SUMF1: variants seen among roughly 807,000 people sequenced by gnomAD.
The protein encoded by SUMF1 is sulfatase modifying factor 1.
In SUMF1, 48 loss-of-function variants were observed where a neutral mutation model predicts 47.6. The ratio of observed to expected loss-of-function variants is 1.01; its 90% CI spans 0.80 to 1.28. The LOEUF (loss-of-function observed/expected upper bound fraction) is 1.28. SUMF1 is among the 50% of genes most tolerant of loss of function. SUMF1 has a pLI of 0.00. For synonymous variants in SUMF1, 230 were observed against 192.1 expected, an observed-to-expected ratio of 1.20 and a Z score of -1.63; for missense variants, 571 against 485.4, an observed-to-expected ratio of 1.18 and a Z score of -1.66.
At chr3:4,107,354 G>A (rs1693181570) in intron 8 of SUMF1, among the ~76,000 whole-genome samples, 1 of 152,062 alleles carries the variant, frequency 6.6e-6, no homozygotes, top group Non-Finnish European at 1.5e-5. Context: ...GCAGTAGTGT[G>A]CTGTTTTATT....
intron 3 of SUMF1, among the ~76,000 whole-genome samples, chr3:4,437,930 C>T (rs1271251102): frequency 6.6e-6 from 1 of 151,746 alleles, no homozygotes; most frequent in African/African-American, 2.4e-5. Context: ...CAGGGCAAGA[C>T]TGTCTCAAAA....
At chr3:4,355,917 C>A (rs558745541) in intron 8 of SUMF1, among the ~76,000 whole-genome samples, 5 of 152,182 alleles carry the variant, frequency 3.3e-5, no homozygotes, top group African/African-American at 1.2e-4. Flanking sequence ...TGAAAAATTC[C>A]GCCCCCTTGG....
intron 8 of SUMF1, among the ~76,000 whole-genome samples, chr3:4,326,521 G>GATTTTT (rs1553556914): frequency 1.8e-4 from 16 of 90,542 alleles, no homozygotes; most frequent in African/African-American, 1.3e-3. Context: ...TTTTTCCAAG[G>GATTTTT]GTTTTTTTTT....
At chr3:4,075,930 T>C (rs1692422680) in intron 8 of SUMF1, among the ~76,000 whole-genome samples, 1 of 152,148 alleles carries the variant, frequency 6.6e-6, no homozygotes, top group African/African-American at 2.4e-5. Context: ...AATTTATAGA[T>C]TCAATGCTAT....
intron 8 of SUMF1, among the ~76,000 whole-genome samples, chr3:4,116,896 T>C (rs17039945): frequency 0.062 from 9,382 of 152,128 alleles, 739 homozygotes; most frequent in East Asian, 0.15. Flanking sequence ...GTCAGGGATG[T>C]GGGATTGCAA....
chr3:4,312,781 T>G, intron 8 of SUMF1: 1 of 1,210,714 alleles, frequency 8.3e-7, no homozygotes, highest in Non-Finnish European at 1.1e-6. Flanking sequence ...GTTTTGACAG[T>G]TTTGTCCTGT....
intron 8 of SUMF1, among the ~76,000 whole-genome samples, chr3:4,137,874 T>A (rs937994246): frequency 6.6e-6 from 1 of 151,594 alleles, no homozygotes; most frequent in Non-Finnish European, 1.5e-5. Context: ...CCATCTCTAT[T>A]TGCAGATGAG....
intron 8 of SUMF1, among the ~76,000 whole-genome samples, chr3:4,268,312 T>C (rs1306118958): frequency 6.6e-6 from 1 of 151,864 alleles, no homozygotes; most frequent in African/African-American, 2.4e-5. Context: ...AGGGATAGCA[T>C]TGGGAGATAT....
At chr3:4,427,424 A>G (rs942543002) in intron 3 of SUMF1, among the ~76,000 whole-genome samples, 58 of 152,336 alleles carry the variant, frequency 3.8e-4, no homozygotes, top group African/African-American at 1.3e-3. Flanking sequence ...AAGGAATTAA[A>G]TGGAGTAAAG....
rs115775051 is a variant in SUMF1, at chr3:4,438,281, C to T, written c.519+10985G>A. 4.8e-3 allele frequency among the ~76,000 whole-genome samples: 734 copies of T among 151,778 alleles called. 5 individuals are homozygous for T. The highest frequency in any genetic ancestry group is 0.017 in the African/African-American group (685 of 41,376). ...TACATAGATTAAAAAGAAAGATGCACCTCATTAATGACAAAGATTCTCTCC... is the reference window on the plus strand; with the variant it reads ...TACATAGATTAAAAAGAAAGATGCATCTCATTAATGACAAAGATTCTCTCC... On this transcript the variant is annotated intron_variant, in intron 3 of 8. Coordinates refer to ENST00000272902, the MANE Select transcript of SUMF1 (RefSeq NM_182760.4).
At chr3:4,433,230 T>A (rs561310895) in intron 3 of SUMF1, among the ~76,000 whole-genome samples, 4 of 152,342 alleles carry the variant, frequency 2.6e-5, no homozygotes, top group Non-Finnish European at 5.9e-5. Flanking sequence ...TAATCTAAGT[T>A]AGGCCTCAAA....
At chr3:4,455,910 A>C (rs113582037) in intron 1 of SUMF1, among the ~76,000 whole-genome samples, 3 of 152,278 alleles carry the variant, frequency 2.0e-5, no homozygotes, top group African/African-American at 2.4e-5. Flanking sequence ...CCAGACAAGA[A>C]TACTACTAGA....
intron 7 of SUMF1, among the ~76,000 whole-genome samples, chr3:4,381,104 A>G (rs1051689115): frequency 2.6e-5 from 4 of 152,208 alleles, no homozygotes; most frequent in African/African-American, 9.7e-5. Context: ...GTCATGCCCA[A>G]TACATTGACA....
chr3:4,064,993 T>C (rs1297181609), intron 9 of SUMF1, among the ~76,000 whole-genome samples: 1 of 152,104 alleles, frequency 6.6e-6, no homozygotes, highest in Non-Finnish European at 1.5e-5. Flanking sequence ...ACTTGCAACA[T>C]GTAAATAAAA....
At chr3:4,042,369 A>G (rs1052494282) in intron 9 of SUMF1, among the ~76,000 whole-genome samples, 4 of 152,178 alleles carry the variant, frequency 2.6e-5, no homozygotes, top group African/African-American at 9.7e-5. Flanking sequence ...ACCCTGATAA[A>G]TAGAGCCACA....
At chr3:4,272,525 A>C (rs1178188806) in intron 8 of SUMF1, among the ~76,000 whole-genome samples, 1 of 152,162 alleles carries the variant, frequency 6.6e-6, no homozygotes, top group Non-Finnish European at 1.5e-5. Flanking sequence ...GGGGGCTGAC[A>C]CAAGGAAACT....
chr3:4,399,135 C>G (rs192324942), intron 7 of SUMF1, among the ~76,000 whole-genome samples: 2 of 152,092 alleles, frequency 1.3e-5, no homozygotes, highest in East Asian at 3.9e-4. Context: ...GTGAACACTT[C>G]GAGCTCTTCA....
At chr3:4,271,922 T>C (rs940114449) in intron 8 of SUMF1, among the ~76,000 whole-genome samples, 11 of 152,196 alleles carry the variant, frequency 7.2e-5, no homozygotes, top group African/African-American at 2.4e-4. Flanking sequence ...TATTCCTACA[T>C]AGCCTCTGGT....
intron 7 of SUMF1, among the ~76,000 whole-genome samples, chr3:4,395,217 G>A (rs1005938627): frequency 3.3e-5 from 5 of 152,124 alleles, no homozygotes; most frequent in Admixed American, 1.3e-4. Context: ...GGCACCTGCA[G>A]GCTTATCTCA....
Sources: allele counts gnomAD v4.1 joint callset (sites outside exome capture counted in the v4.1 genomes callset), GRCh38; gene constraint gnomAD v4.1.1; transcripts MANE v1.5; gene names NCBI Gene and HGNC (gene_info 2026-07-23, HGNC 2026-07-21).